The following GABPA variants were observed in gnomAD, a reference collection of about 807,000 sequenced individuals.
GABPA encodes the protein GA binding protein transcription factor subunit alpha.
Under a neutral mutation model 59.4 loss-of-function variants are expected in GABPA, and 4 were observed. That is an observed-to-expected ratio of 0.07 (90% CI 0.03 to 0.15). GABPA has a LOEUF of 0.15. Ranked by LOEUF, GABPA falls within the 10% of genes least tolerant of loss-of-function variation. GABPA has a pLI of 1.00. For synonymous variants in GABPA, 164 were observed against 183.1 expected (o/e 0.90, Z 0.84); for missense variants, 251 against 543.8 (o/e 0.46, Z 5.36).
rs574008456 is a variant in GABPA at position 25,754,749 on chromosome 21, A to G, written c.553+2515A>G. 9.5e-4 allele frequency among the ~76,000 whole-genome samples: 144 copies of G among 152,126 alleles called. 1 individual carries two copies. Among genetic ancestry groups the G allele is most frequent in the Non-Finnish European group, 1.8e-3 (125 of 68,006 alleles). Reference sequence around the variant, plus strand: ...TAATTATTTTTGCCCATCTTTTCATATTTAAGAATTAATCACTTTAGGCCA... The same window carrying G: ...TAATTATTTTTGCCCATCTTTTCATGTTTAAGAATTAATCACTTTAGGCCA... On this transcript the variant is annotated intron_variant, in intron 5 of 9. Transcript: ENST00000400075.
chr21:25,741,506 C>CT lies in GABPA; in HGVS notation c.-26-66dup, dbSNP rs556405154. The CT allele has an allele frequency of 8.1e-3, 6,091 of 751,072 alleles. 34 individuals are homozygous for CT. The highest frequency in any genetic ancestry group is 0.011 in the Non-Finnish European group (5,130 of 475,042). The allele number at this position is 751,072 out of a possible 1,614,324, so 46.5% of individuals were successfully genotyped here. On this transcript the variant is annotated intron_variant, in intron 1 of 9. Coordinates refer to ENST00000400075, the MANE Select transcript of GABPA (RefSeq NM_002040.4). ...TTTGCTTTTTATTTGGATTGGGTCT[C>CT]TACTTCTTGTGTGTCATTTCGTTTA...
intron 7 of GABPA, 85 bp downstream of exon 7, chr21:25,762,450 A>T (rs578226405): frequency 5.4e-5 from 56 of 1,034,484 alleles, no homozygotes; most frequent in Middle Eastern, 3.0e-4. Flanking sequence ...AAAATTATTT[A>T]AAAAAATTTT....
chr21:25,742,759 C>CA (rs33986584), intron 2 of GABPA, among the ~76,000 whole-genome samples: 2 of 142,586 alleles, frequency 1.4e-5, no homozygotes, highest in African/African-American at 5.1e-5. Context: ...ACAAAACATA[C>CA]AAAAAAAAAA....
intron 5 of GABPA, 148 bp downstream of exon 5, chr21:25,752,382 C>T: frequency 1.2e-6 from 1 of 854,632 alleles, no homozygotes; most frequent in Non-Finnish European, 1.8e-6. Flanking sequence ...TTGTAACGCA[C>T]ATTTAAGCTC....
intron 2 of GABPA, among the ~76,000 whole-genome samples, chr21:25,743,098 C>T (rs759925013): frequency 2.6e-5 from 4 of 152,158 alleles, no homozygotes; most frequent in African/African-American, 7.2e-5. Flanking sequence ...AGGGTGTCTG[C>T]GTCCAAAGTC....
chr21:25,742,915 A>G (rs1568940133), intron 2 of GABPA, among the ~76,000 whole-genome samples: 3 of 151,224 alleles, frequency 2.0e-5, no homozygotes, highest in South Asian at 2.1e-4. Flanking sequence ...CTTTAGTGAC[A>G]GGACAAGGTG....
chr21:25,739,458 T>A (rs376728355), intron 1 of GABPA, among the ~76,000 whole-genome samples: 1 of 152,152 alleles, frequency 6.6e-6, no homozygotes, highest in Non-Finnish European at 1.5e-5. Context: ...CGAGGGAGAA[T>A]CCGTTCCTTG....
At chr21:25,765,080 A>AT (rs970835254) in intron 9 of GABPA, among the ~76,000 whole-genome samples, 1 of 151,940 alleles carries the variant, frequency 6.6e-6, no homozygotes, top group Non-Finnish European at 1.5e-5. Context: ...GCATAGATGA[A>AT]TTGAGTGTTA....
intron 4 of GABPA, among the ~76,000 whole-genome samples, chr21:25,750,316 G>A (rs1295935697): frequency 6.6e-6 from 1 of 152,166 alleles, no homozygotes; most frequent in Non-Finnish European, 1.5e-5. Context: ...ACCTCCTGTT[G>A]TGTGGTCTGT....
chr21:25,743,636 C>T (rs1428276196), intron 2 of GABPA, among the ~76,000 whole-genome samples: 3 of 149,984 alleles, frequency 2.0e-5, no homozygotes, highest in East Asian at 3.9e-4. Context: ...TGAGGTCTTC[C>T]AAGGTTTAAA....
chr21:25,768,010 T>A (rs2035932598), intron 9 of GABPA, among the ~76,000 whole-genome samples: 2 of 152,074 alleles, frequency 1.3e-5, no homozygotes, highest in South Asian at 4.1e-4. Flanking sequence ...CAGTGGGCAG[T>A]GCAATTTTAA....
In GABPA at chr21:25,752,133, A is replaced by G; in HGVS notation, c.452A>G (p.His151Arg). The G allele has an allele frequency of 6.2e-7, 1 of 1,609,836 alleles. No individual in the cohort carries two copies. The highest frequency in any genetic ancestry group is 8.5e-7 in the Non-Finnish European group (1 of 1,176,330). ...AQVITLDGTK[H>R]ITTISDETSE... Reference sequence around the variant, plus strand: ...GTGATAACTCTTGATGGCACAAAACACATCACAACCATTTCAGATGAAACT... The same window carrying G: ...GTGATAACTCTTGATGGCACAAAACGCATCACAACCATTTCAGATGAAACT... Residue 151 changes from histidine (H) to arginine (R), a missense_variant, in exon 5 of 10, where the codon CAC becomes CGC. Transcript: ENST00000400075.
At position 25,745,230 on chromosome 21, in the gene GABPA, C is replaced by T. The variant is rs200493501; in HGVS notation, c.98C>T (p.Ala33Val). ...TEESIVEQTY[A>V]PAECVSQAID... ...TTTAGCATTGTAGAACAAACCTACG[C>T]GCCAGCTGAATGTGTAAGCCAGGCC... is the stretch of plus-strand genomic sequence containing the variant. The change falls in exon 3 of 10, where the codon GCG becomes GTG. Residue 33 changes from alanine to valine, a missense_variant. Physicochemically the swap from Ala to Val is moderately conservative, Grantham distance 64. This residue lies in a region of GABPA where 207 missense variants were observed against 366.7 expected (regional missense o/e 0.56). Coordinates refer to ENST00000400075, the MANE Select transcript of GABPA (RefSeq NM_002040.4). 170 of 1,613,432 alleles carry T rather than the reference C, an allele frequency of 1.1e-4. No homozygotes were observed. In the East Asian group the frequency reaches 3.4e-3, roughly 32 times the overall value.
intron 3 of GABPA, among the ~76,000 whole-genome samples, chr21:25,748,083 T>C (rs3787617): frequency 0.12 from 18,800 of 152,118 alleles, 1,291 homozygotes; most frequent in East Asian, 0.3. Context: ...ATTTTTGTAT[T>C]TGTGTATAGA....
intron 2 of GABPA, among the ~76,000 whole-genome samples, chr21:25,744,960 A>G (rs1007710364): frequency 2.6e-5 from 4 of 152,232 alleles, no homozygotes; most frequent in African/African-American, 9.6e-5. Flanking sequence ...ATACACACAT[A>G]TGTATGTACA....
intron 9 of GABPA, among the ~76,000 whole-genome samples, chr21:25,765,013 A>G (rs2035856751): frequency 6.6e-6 from 1 of 151,872 alleles, no homozygotes; most frequent in Middle Eastern, 3.2e-3. Flanking sequence ...TCTGATTTGA[A>G]AGCTATAATA....
chr21:25,763,294 G>A, intron 7 of GABPA: 1 of 359,064 alleles, frequency 2.8e-6, no homozygotes, highest in South Asian at 3.0e-5. Flanking sequence ...TTTTCAGCAT[G>A]CATCTTTCTT....
At chr21:25,766,958 TACAA>T (rs766216420) in intron 9 of GABPA, among the ~76,000 whole-genome samples, 14 of 152,086 alleles carry the variant, frequency 9.2e-5, no homozygotes, top group Non-Finnish European at 1.9e-4. Context: ...AAGCTCCTGC[TACAA>T]ACAATGACCA....
chr21:25,747,473 A>C (rs2035396725), intron 3 of GABPA, among the ~76,000 whole-genome samples: 1 of 152,182 alleles, frequency 6.6e-6, no homozygotes, highest in Non-Finnish European at 1.5e-5. Flanking sequence ...CTAGCTTTGG[A>C]TCTAAGGGCA....
Sources: allele counts gnomAD v4.1 joint callset (sites outside exome capture counted in the v4.1 genomes callset), GRCh38; gene constraint gnomAD v4.1.1; regional missense constraint gnomAD v4.1.1; transcripts MANE v1.5; gene names NCBI Gene and HGNC (gene_info 2026-07-23, HGNC 2026-07-21).